CLINT1: variants seen among roughly 807,000 people sequenced by gnomAD.
The protein encoded by CLINT1 is clathrin interactor 1, also known as clathrin interacting protein localized in the trans-Golgi region.
In CLINT1, 15 loss-of-function variants were observed where a neutral mutation model predicts 70.4. The observed-to-expected ratio is 0.21, with a 90% CI of 0.14 to 0.33. The LOEUF is 0.33. CLINT1 is among the 10% of genes least tolerant of loss of function. The probability of loss-of-function intolerance (pLI) is 1.00; values close to 1 mark genes in which losing one functional copy is unlikely to be tolerated. For synonymous variants in CLINT1, 227 were observed against 254.7 expected (o/e 0.89, Z 1.04); for missense variants, 615 against 778.1 (o/e 0.79, Z 2.49).
At chr5:157,845,410 ATTT>A (rs1279745189) in intron 1 of CLINT1, among the ~76,000 whole-genome samples, 2 of 151,974 alleles carry the variant, frequency 1.3e-5, no homozygotes, top group Non-Finnish European at 2.9e-5. Context: ...TTCCCAAGTA[ATTT>A]TTTAATTTGT....
rs1761744024 is a variant in CLINT1, at chr5:157,786,907, T to G, written c.*739A>C. ...CTGCTAAAAACAAACAGAAGTTTTT[T>G]TCTTTTAAAGGAAACCATAGAGCAG... On this transcript the variant is annotated 3_prime_UTR_variant, in exon 12 of 12. Transcript: ENST00000411809. 6.6e-6 allele frequency: 1 copy of G among 152,338 alleles called. No homozygotes were observed. Among genetic ancestry groups the G allele is most frequent in the South Asian group, 2.1e-4 (1 of 4,834 alleles). The allele number at this position is 152,338 out of a possible 1,614,324, so 9.4% of individuals were successfully genotyped here. A position where few individuals can be genotyped will look rare whatever the true frequency, so the allele number is the denominator to read the frequency against.
intron 1 of CLINT1, among the ~76,000 whole-genome samples, chr5:157,855,935 C>CAA (rs879560600): frequency 7.4e-6 from 1 of 134,712 alleles, no homozygotes; most frequent in Non-Finnish European, 1.6e-5. Flanking sequence ...AACCCCATCT[C>CAA]AAAAAAAAAA....
Position 157,815,114 on chromosome 5 carries a change from C to CACACAT in CLINT1, c.244-827_244-822dup, listed in dbSNP as rs1762678444. 3.0e-5 allele frequency among the ~76,000 whole-genome samples: 4 copies of CACACAT among 135,290 alleles called. No individual in the cohort carries two copies. The South Asian group carries it at 8.9e-4, about 30-fold the overall frequency. 88.8% of individuals were successfully genotyped at this position (135,290 alleles called of 152,430 possible). A position where few individuals can be genotyped will look rare whatever the true frequency, so the allele number is the denominator to read the frequency against. On this transcript the variant is annotated intron_variant, in intron 3 of 11. Transcript: ENST00000411809. ...GAAAATTTTGCAAAATAGACATCTT[C>CACACAT]ACACATACACACACACACACACACA...
chr5:157,857,751 C>T (rs1185335723), intron 1 of CLINT1, among the ~76,000 whole-genome samples: 1 of 152,162 alleles, frequency 6.6e-6, no homozygotes, highest in Non-Finnish European at 1.5e-5. Context: ...AACCTGTGCT[C>T]CTTAGGCACT....
At chr5:157,833,519 G>C (rs1763314820) in intron 1 of CLINT1, among the ~76,000 whole-genome samples, 1 of 152,152 alleles carries the variant, frequency 6.6e-6, no homozygotes, top group Non-Finnish European at 1.5e-5. Flanking sequence ...AACTCCACCT[G>C]ATCATCAGGT....
At chr5:157,858,338 C>G (rs1406408364) in intron 1 of CLINT1, among the ~76,000 whole-genome samples, 3 of 152,184 alleles carry the variant, frequency 2.0e-5, no homozygotes, top group African/African-American at 7.2e-5. Flanking sequence ...GTTAGAAAAG[C>G]AAAGGATGAG....
chr5:157,794,800 G>C (rs1762018230), intron 9 of CLINT1, 98 bp downstream of exon 9: 1 of 866,064 alleles, frequency 1.2e-6, no homozygotes, highest in South Asian at 1.5e-5. Flanking sequence ...ACTACAAGGA[G>C]AAAAATGACA....
intron 6 of CLINT1, among the ~76,000 whole-genome samples, chr5:157,806,941 G>A (rs1163703843): frequency 6.6e-6 from 1 of 150,478 alleles, no homozygotes; most frequent in East Asian, 1.9e-4. Context: ...ACAAGTCATT[G>A]GGTTTTTTTC....
At chr5:157,840,344 G>C (rs1043818579) in intron 1 of CLINT1, among the ~76,000 whole-genome samples, 6 of 151,204 alleles carry the variant, frequency 4.0e-5, no homozygotes, top group Non-Finnish European at 7.4e-5. Flanking sequence ...AAAGAGACTA[G>C]AGAATCATGA....
In CLINT1 at chr5:157,791,663, G is replaced by T. The variant is rs776845410; in HGVS notation, c.1380+40C>A. On this transcript the variant is annotated intron_variant, in intron 10 of 11. Transcript: ENST00000411809. ...ATTCAATGAGTTAGAGCATCTCAAAGATTATAAATAACAAATTCCAAGGGA... is the reference window on the plus strand; with the variant it reads ...ATTCAATGAGTTAGAGCATCTCAAATATTATAAATAACAAATTCCAAGGGA... The T allele has an allele frequency of 3.9e-6, 6 of 1,548,726 alleles. 1 individual carries two copies. In the South Asian group the frequency reaches 6.2e-5, roughly 16 times the overall value.
chr5:157,794,914 G>A lies in CLINT1; in HGVS notation c.1071C>T (p.Gly357=). ...FADFGSAAAS[G]SFPSQVTATS... Reference sequence around the variant, plus strand: ...GAATCATACCTTGGGAAGGGAAACTGCCTGATGCAGCAGCTGAGCCAAAGT... The same window carrying A: ...GAATCATACCTTGGGAAGGGAAACTACCTGATGCAGCAGCTGAGCCAAAGT... Residue 357 remains glycine, a synonymous_variant, in exon 9 of 12, where the codon GGC becomes GGT. Transcript: ENST00000411809. 1 of 1,558,566 alleles carries A rather than the reference G, an allele frequency of 6.4e-7. No homozygotes were observed. Among genetic ancestry groups the A allele is most frequent in the African/African-American group, 1.4e-5 (1 of 73,508 alleles).
At chr5:157,831,869 T>TGTAGTAGAGACGGGGTTGCACCAC (rs1763255688) in intron 1 of CLINT1, among the ~76,000 whole-genome samples, 1 of 152,032 alleles carries the variant, frequency 6.6e-6, no homozygotes, top group African/African-American at 2.4e-5. Flanking sequence ...TTTTTGTATT[T>TGTAGTAGAGACGGGGTTGCACCAC]GTAGTAGAGA....
chr5:157,857,024 T>C lies in CLINT1; in HGVS notation c.41+1906A>G, dbSNP rs563479045. Among the ~76,000 whole-genome samples the C allele has an allele frequency of 2.0e-5, 3 of 152,278 alleles. No homozygotes were observed. The East Asian group carries it at 5.8e-4, about 29-fold the overall frequency. ...TCTTCAAATTTTTGAGTACCACAAA[T>C]TTGGTCCTCTAAGAGAACAAGGTGT... On this transcript the variant is annotated intron_variant, in intron 1 of 11. Coordinates refer to ENST00000411809, the MANE Select transcript of CLINT1 (RefSeq NM_014666.4).
chr5:157,805,772 G>T, intron 7 of CLINT1, 94 bp downstream of exon 7: 1 of 1,429,042 alleles, frequency 7.0e-7, no homozygotes, highest in Non-Finnish European at 9.6e-7. Context: ...TAATATGATT[G>T]CCTAGAAATG....
At chr5:157,819,352 GT>G (rs1489328428) in intron 1 of CLINT1, among the ~76,000 whole-genome samples, 2 of 152,106 alleles carry the variant, frequency 1.3e-5, no homozygotes, top group Non-Finnish European at 2.9e-5. Context: ...ATCAATTAAT[GT>G]GACAAAATAA....
At chr5:157,807,319 A>G (rs1268124475) in intron 6 of CLINT1, among the ~76,000 whole-genome samples, 5 of 152,152 alleles carry the variant, frequency 3.3e-5, no homozygotes, top group Admixed American at 1.3e-4. Flanking sequence ...TCTCAACAAC[A>G]AATGACCTGA....
At position 157,786,486 on chromosome 5, in the gene CLINT1, A is replaced by G. The variant is rs1410059460; in HGVS notation, c.*1160T>C. On this transcript the variant is annotated 3_prime_UTR_variant, in exon 12 of 12. Coordinates refer to ENST00000411809, the MANE Select transcript of CLINT1 (RefSeq NM_014666.4). ...TTAATTTTGCATTCCAAACTCTAGA[A>G]TCATGATTTTCATGTGAGCTTAATG... The G allele has an allele frequency of 6.6e-6, 1 of 152,554 alleles. No individual in the cohort carries two copies. Among genetic ancestry groups the G allele is most frequent in the Non-Finnish European group, 1.5e-5 (1 of 67,980 alleles). 9.5% of individuals were successfully genotyped at this position (152,554 alleles called of 1,614,324 possible). A position where few individuals can be genotyped will look rare whatever the true frequency, so the allele number is the denominator to read the frequency against.
intron 1 of CLINT1, among the ~76,000 whole-genome samples, chr5:157,848,285 T>C (rs987511941): frequency 4.1e-4 from 62 of 150,122 alleles, no homozygotes; most frequent in African/African-American, 1.2e-3. Flanking sequence ...TTAGTAGAGA[T>C]GGGGTTTCAC....
At chr5:157,817,924 C>T (rs569942385) in intron 1 of CLINT1, among the ~76,000 whole-genome samples, 8 of 152,248 alleles carry the variant, frequency 5.3e-5, no homozygotes, top group Middle Eastern at 3.4e-3. Flanking sequence ...GCAATGCAGG[C>T]TTATGTTTCC....
Sources: allele counts gnomAD v4.1 joint callset (sites outside exome capture counted in the v4.1 genomes callset), GRCh38; gene constraint gnomAD v4.1.1; transcripts MANE v1.5; gene names NCBI Gene and HGNC (gene_info 2026-07-23, HGNC 2026-07-21).